The following ANKRD17 variants were observed in gnomAD, a reference collection of about 807,000 sequenced individuals.
ANKRD17 encodes the protein ankyrin repeat domain-containing protein 17.
In ANKRD17, 19 loss-of-function variants were observed where a neutral mutation model predicts 229.7. That is an observed-to-expected ratio of 0.08 (90% CI 0.06 to 0.12). The LOEUF is 0.12. Ranked by LOEUF, ANKRD17 falls within the 10% of genes least tolerant of loss-of-function variation. ANKRD17 has a pLI of 1.00. For synonymous variants in ANKRD17, 1,112 were observed against 1,146.1 expected (o/e 0.97, Z 0.60); for missense variants, 2,176 against 3,176.8 (o/e 0.68, Z 7.57).
At chr4:73,094,823 C>T (rs534431259) in intron 27 of ANKRD17, among the ~76,000 whole-genome samples, 104 of 151,968 alleles carry the variant, frequency 6.8e-4, no homozygotes, top group African/African-American at 2.4e-3. Context: ...CCTTTTGGTG[C>T]TTTACTCATA....
At chr4:73,254,553 A>C (rs1368032547) in intron 1 of ANKRD17, among the ~76,000 whole-genome samples, 2 of 152,156 alleles carry the variant, frequency 1.3e-5, no homozygotes, top group Non-Finnish European at 2.9e-5. Flanking sequence ...GGATCACCTG[A>C]GGTCAGGAGT....
chr4:73,123,865 C>T lies in ANKRD17; in HGVS notation c.3492+1048G>A, dbSNP rs569612057. The stretch of plus-strand genomic sequence containing the variant: ...GGAGGTAACAGTTCCCCAGTTCACT[C>T]GTCAGAATACCTTTACATATAATAT... On this transcript the variant is annotated intron_variant, in intron 18 of 33. Coordinates refer to ENST00000358602, the MANE Select transcript of ANKRD17 (RefSeq NM_032217.5). Among the ~76,000 whole-genome samples the T allele has an allele frequency of 2.0e-5, 3 of 151,780 alleles. No homozygotes were observed. In the South Asian group the frequency reaches 6.2e-4, roughly 32 times the overall value.
intron 2 of ANKRD17, among the ~76,000 whole-genome samples, chr4:73,163,200 T>C (rs1732770723): frequency 6.6e-6 from 1 of 152,154 alleles, no homozygotes; most frequent in East Asian, 1.9e-4. Flanking sequence ...GTTTTCTACA[T>C]CTGGGGATCC....
intron 1 of ANKRD17, among the ~76,000 whole-genome samples, chr4:73,195,707 C>T (rs1252118375): frequency 1.3e-5 from 2 of 152,124 alleles, no homozygotes; most frequent in African/African-American, 4.8e-5. Flanking sequence ...GGGGGTTTCA[C>T]CATGTTGGCC....
chr4:73,130,511 G>C (rs1031354866), intron 16 of ANKRD17, among the ~76,000 whole-genome samples: 1 of 151,726 alleles, frequency 6.6e-6, no homozygotes, highest in Admixed American at 6.6e-5. Context: ...TTTCAGTCTT[G>C]ATACGTCACA....
intron 1 of ANKRD17, among the ~76,000 whole-genome samples, chr4:73,185,549 C>T (rs1736179853): frequency 6.6e-6 from 1 of 151,920 alleles, no homozygotes; most frequent in South Asian, 2.1e-4. Flanking sequence ...GCAGAAAAAT[C>T]CCTCCAAAAA....
At chr4:73,166,512 C>G (rs377277784) in intron 2 of ANKRD17, among the ~76,000 whole-genome samples, 2 of 152,126 alleles carry the variant, frequency 1.3e-5, no homozygotes, top group East Asian at 1.9e-4. Context: ...AGCATCCTTT[C>G]TCAAGAAATA....
At chr4:73,108,157 T>C (rs993909116) in intron 24 of ANKRD17, among the ~76,000 whole-genome samples, 2 of 152,110 alleles carry the variant, frequency 1.3e-5, no homozygotes, top group African/African-American at 4.8e-5. Flanking sequence ...AACGGGATTT[T>C]TCAACGCGAT....
chr4:73,190,092 G>C (rs1221549639), intron 1 of ANKRD17, among the ~76,000 whole-genome samples: 1 of 152,118 alleles, frequency 6.6e-6, no homozygotes, highest in Non-Finnish European at 1.5e-5. Context: ...TCTGGGGCTG[G>C]GCGCGGTGGC....
chr4:73,242,547 A>G (rs1035994144), intron 1 of ANKRD17, among the ~76,000 whole-genome samples: 2 of 152,188 alleles, frequency 1.3e-5, no homozygotes, highest in African/African-American at 2.4e-5. Context: ...ATTAACACAA[A>G]TTTCAATGTA....
At chr4:73,251,111 C>T (rs779693647) in intron 1 of ANKRD17, among the ~76,000 whole-genome samples, 12 of 152,046 alleles carry the variant, frequency 7.9e-5, no homozygotes, top group Non-Finnish European at 1.8e-4. Flanking sequence ...TCTCTACACA[C>T]ACACAAAAAG....
intron 1 of ANKRD17, among the ~76,000 whole-genome samples, chr4:73,179,525 T>A (rs1735262350): frequency 1.5e-5 from 2 of 134,120 alleles, no homozygotes; most frequent in Admixed American, 7.8e-5. Flanking sequence ...TATATTTTTT[T>A]TTTTTTTTTT....
chr4:73,222,232 T>TA (rs1324567349), intron 1 of ANKRD17, among the ~76,000 whole-genome samples: 7 of 152,210 alleles, frequency 4.6e-5, no homozygotes, highest in Admixed American at 4.6e-4. Context: ...AATAGTATAC[T>TA]ACATTCAATG....
chr4:73,082,188 G>A (rs114043987), intron 30 of ANKRD17, among the ~76,000 whole-genome samples: 1,638 of 150,370 alleles, frequency 0.011, 28 homozygotes, highest in South Asian at 0.058. Flanking sequence ...GGGGCCAAGC[G>A]TGGTGGCTCA....
intron 1 of ANKRD17, among the ~76,000 whole-genome samples, chr4:73,223,303 T>C (rs1742102671): frequency 6.6e-6 from 1 of 152,200 alleles, no homozygotes; most frequent in African/African-American, 2.4e-5. Context: ...ATTTTTAAAA[T>C]CCTAAAATTT....
chr4:73,184,528 CAAAAAAA>C lies in ANKRD17; in HGVS notation c.394-7002_394-6996del, dbSNP rs776930137. ...GAGGGACAAGAGCTAGACTTCCTCTCAAAAAAAAAAAAAAAAAAAAAAAAAGAAAAGA... is the reference window on the plus strand; with the variant it reads ...GAGGGACAAGAGCTAGACTTCCTCTCAAAAAAAAAAAAAAAAAAGAAAAGA... On this transcript the variant is annotated intron_variant, in intron 1 of 33. Transcript: ENST00000358602. Among the ~76,000 whole-genome samples, 20 of 29,970 alleles carry C rather than the reference CAAAAAAA, an allele frequency of 6.7e-4. 1 individual carries two copies. In the South Asian group the frequency reaches 0.013, roughly 19 times the overall value. 19.7% of individuals were successfully genotyped at this position (29,970 alleles called of 152,430 possible). A position where few individuals can be genotyped will look rare whatever the true frequency, so the allele number is the denominator to read the frequency against.
chr4:73,078,287 G>A (rs1721203430), intron 31 of ANKRD17, among the ~76,000 whole-genome samples: 1 of 152,188 alleles, frequency 6.6e-6, no homozygotes, highest in Admixed American at 6.5e-5. Context: ...TGAGGCAGGA[G>A]AATGGCATGA....
chr4:73,231,428 A>G (rs571793656), intron 1 of ANKRD17, among the ~76,000 whole-genome samples: 83 of 152,238 alleles, frequency 5.5e-4, no homozygotes, highest in African/African-American at 1.9e-3. Flanking sequence ...TGGTCTCAAG[A>G]TATCTGTTAC....
intron 3 of ANKRD17, among the ~76,000 whole-genome samples, chr4:73,157,144 A>G (rs1731766957): frequency 6.6e-6 from 1 of 152,194 alleles, no homozygotes; most frequent in African/African-American, 2.4e-5. Flanking sequence ...TTCGGTCAGT[A>G]GAAAATTTTT....
Sources: allele counts gnomAD v4.1 joint callset (sites outside exome capture counted in the v4.1 genomes callset), GRCh38; gene constraint gnomAD v4.1.1; transcripts MANE v1.5; gene names NCBI Gene and HGNC (gene_info 2026-07-23, HGNC 2026-07-21).